The following ALG9 variants were observed in gnomAD, a reference collection of about 807,000 sequenced individuals.
The protein encoded by ALG9 is ALG9 alpha-1,2-mannosyltransferase.
Under a neutral mutation model 81.8 loss-of-function variants are expected in ALG9, and 55 were observed. The ratio of observed to expected loss-of-function variants is 0.67; its 90% CI spans 0.54 to 0.84. The LOEUF is 0.84. Among genes scored for constraint, ALG9 ranks in the 40% least tolerant of loss-of-function variants. ALG9 has a pLI of 0.00. For missense variants in ALG9, 629 were observed against 745.0 expected (o/e 0.84, Z 1.81); for synonymous variants, 278 against 274.3 (o/e 1.01, Z -0.13).
At position 111,784,943 on chromosome 11, in the gene ALG9, T is replaced by C. The variant is rs782624166; in HGVS notation, c.*1454A>G. ...CAGGTCAGGCTGCATCACACAGCAC[T>C]GCTGTGCTGGTCTAACACACAGGCA... On this transcript the variant is annotated 3_prime_UTR_variant, in exon 15 of 15. Coordinates refer to ENST00000616540, the MANE Select transcript of ALG9 (RefSeq NM_024740.2). The C allele has an allele frequency of 2.0e-5, 3 of 152,554 alleles. No homozygotes were observed. Among genetic ancestry groups the C allele is most frequent in the Non-Finnish European group, 4.4e-5 (3 of 68,044 alleles). 9.5% of individuals were successfully genotyped at this position (152,554 alleles called of 1,614,324 possible).
At chr11:111,840,964 A>C (rs1956128052) in intron 9 of ALG9, among the ~76,000 whole-genome samples, 155 bp from the exon 10 acceptor site, 1 of 152,202 alleles carries the variant, frequency 6.6e-6, no homozygotes, top group Non-Finnish European at 1.5e-5. Context: ...CAATGCCATA[A>C]AGGCATCAAA....
chr11:111,817,880 G>A (rs926295153), intron 13 of ALG9, among the ~76,000 whole-genome samples: 46 of 151,480 alleles, frequency 3.0e-4, no homozygotes, highest in African/African-American at 9.9e-4. Context: ...AGGTTCAAGC[G>A]ATTCTCCCCT....
At chr11:111,815,391 A>G (rs1951330693) in intron 13 of ALG9, among the ~76,000 whole-genome samples, 2 of 152,162 alleles carry the variant, frequency 1.3e-5, no homozygotes, top group Admixed American at 1.3e-4. Context: ...AAACAGAGCA[A>G]GACCCTGTCT....
chr11:111,864,477 AG>A lies in ALG9; in HGVS notation c.476+703del, dbSNP rs544574836. ...TTTTTGTAGTAAAATGAATTTCAAA[AG>A]TTTCCCAAACCACTTCTTATGATCC... is the stretch of plus-strand genomic sequence containing the variant. On this transcript the variant is annotated intron_variant, in intron 4 of 14. Coordinates refer to ENST00000616540, the MANE Select transcript of ALG9 (RefSeq NM_024740.2). The A allele has an allele frequency of 2.2e-5, 16 of 727,244 alleles. No homozygotes were observed. The Admixed American group carries it at 2.8e-4, about 13-fold the overall frequency. 45.0% of individuals were successfully genotyped at this position (727,244 alleles called of 1,614,324 possible).
chr11:111,842,904 A>G, intron 9 of ALG9, among the ~76,000 whole-genome samples: 1 of 152,134 alleles, frequency 6.6e-6, no homozygotes, highest in East Asian at 1.9e-4. Flanking sequence ...TTTTTTACTG[A>G]CGTTACAAGC....
chr11:111,777,530 CAG>C (rs1555055666), downstream of ALG9, among the ~76,000 whole-genome samples: 1 of 152,062 alleles, frequency 6.6e-6, no homozygotes, highest in Non-Finnish European at 1.5e-5. Context: ...CTTAAGCTGT[CAG>C]AGACAGTGAT....
At position 111,868,624 on chromosome 11, in the gene ALG9, G is replaced by A; in HGVS notation, c.383C>T (p.Ala128Val). Residue 128 changes from alanine to valine, a missense_variant, in exon 3 of 15, where the codon GCA (alanine) becomes GTA (valine). Ala to Val is a moderately conservative substitution (Grantham distance 64). Coordinates refer to ENST00000616540, the MANE Select transcript of ALG9 (RefSeq NM_024740.2). ...TACCTTATTAGTTTGTAGAATTCTT[G>A]CATGAAATGCAGCTGGCCAGGCATG... ...LLHAWPAAFH[A>V]RILQTNKILV... 6.2e-7 allele frequency: 1 copy of A among 1,613,958 alleles called. No individual in the cohort carries two copies. The highest frequency in any genetic ancestry group is 8.5e-7 in the Non-Finnish European group (1 of 1,179,864).
intron 13 of ALG9, chr11:111,829,026 T>C (rs992514907): frequency 6.6e-6 from 1 of 152,160 alleles, no homozygotes; most frequent in African/African-American, 2.4e-5. Context: ...TACTGCCCCA[T>C]AGGTCTAAAA....
At chr11:111,816,188 G>C (rs1425297565) in intron 13 of ALG9, among the ~76,000 whole-genome samples, 1 of 152,114 alleles carries the variant, frequency 6.6e-6, no homozygotes, top group African/African-American at 2.4e-5. Context: ...AATTTGTCCT[G>C]ACAGGCAATA....
chr11:111,870,915 G>A, intron 1 of ALG9: 1 of 1,000,312 alleles, frequency 1.0e-6, no homozygotes, highest in Non-Finnish European at 1.2e-6. Flanking sequence ...TCCATATGTT[G>A]ACAGCTCCCT....
intron 13 of ALG9, among the ~76,000 whole-genome samples, chr11:111,816,202 T>C (rs760621825): frequency 6.6e-6 from 1 of 152,232 alleles, no homozygotes; most frequent in Non-Finnish European, 1.5e-5. Flanking sequence ...GGCAATAAAA[T>C]TGCAGATCAA....
intron 14 of ALG9, among the ~76,000 whole-genome samples, chr11:111,795,576 C>A (rs1555074673): frequency 6.6e-6 from 1 of 152,192 alleles, no homozygotes; most frequent in Non-Finnish European, 1.5e-5. Context: ...TTTCAGCAGG[C>A]ATGTTCAATA....
intron 8 of ALG9, among the ~76,000 whole-genome samples, chr11:111,851,934 C>T (rs1452111365): frequency 6.6e-6 from 1 of 152,192 alleles, no homozygotes; most frequent in Non-Finnish European, 1.5e-5. Context: ...TATTCTCTAA[C>T]TGTGCAATTT....
Position 111,784,344 on chromosome 11 carries a change from G to GT in ALG9, c.*2052dup, listed in dbSNP as rs2136171945. ...TCTCAAAGAGGAGCTTTTTAATATTGTAACTAGCCATTTCTTCTGTTATCA... is the reference window on the plus strand; with the variant it reads ...TCTCAAAGAGGAGCTTTTTAATATTGTTAACTAGCCATTTCTTCTGTTATCA... On this transcript the variant is annotated 3_prime_UTR_variant, in exon 15 of 15. Coordinates refer to ENST00000616540, the MANE Select transcript of ALG9 (RefSeq NM_024740.2). 1 of 152,294 alleles carries GT rather than the reference G, an allele frequency of 6.6e-6. No homozygotes were observed. Among genetic ancestry groups the GT allele is most frequent in the African/African-American group, 2.4e-5 (1 of 41,542 alleles). 9.4% of individuals were successfully genotyped at this position (152,294 alleles called of 1,614,324 possible).
chr11:111,801,485 G>A (rs1591873637), intron 14 of ALG9, among the ~76,000 whole-genome samples: 3 of 152,274 alleles, frequency 2.0e-5, no homozygotes, highest in Non-Finnish European at 2.9e-5. Context: ...AAGGCTTAAC[G>A]TTTCTATAAT....
chr11:111,858,177 T>G (rs1324115747), intron 5 of ALG9, among the ~76,000 whole-genome samples: 3 of 152,218 alleles, frequency 2.0e-5, no homozygotes, highest in Middle Eastern at 3.4e-3. Context: ...CCTCGTGATC[T>G]GCCTGTCTCG....
chr11:111,809,605 C>T (rs140366843), intron 14 of ALG9, 38 bp downstream of exon 14: 2 of 1,612,954 alleles, frequency 1.2e-6, no homozygotes, highest in African/African-American at 1.3e-5. Context: ...TTTACCCATA[C>T]TAGTCCTGGA....
chr11:111,825,370 C>T (rs965472637), intron 13 of ALG9, among the ~76,000 whole-genome samples: 4 of 152,190 alleles, frequency 2.6e-5, no homozygotes, highest in African/African-American at 9.7e-5. Context: ...AACACCGTCA[C>T]ATACATAAAT....
At chr11:111,826,021 G>A (rs190928972) in intron 13 of ALG9, among the ~76,000 whole-genome samples, 202 of 150,176 alleles carry the variant, frequency 1.3e-3, no homozygotes, top group African/African-American at 4.5e-3. Context: ...AGCCGAGATC[G>A]CACCACTGCA....
Sources: allele counts gnomAD v4.1 joint callset (sites outside exome capture counted in the v4.1 genomes callset), GRCh38; gene constraint gnomAD v4.1.1; transcripts MANE v1.5; gene names NCBI Gene and HGNC (gene_info 2026-07-23, HGNC 2026-07-21).